C2orf76: variants seen among roughly 807,000 people sequenced by gnomAD.
C2orf76 encodes the protein chromosome 2 open reading frame 76.
A neutral mutation model predicts 16.9 loss-of-function variants in C2orf76; 23 were observed. The ratio of observed to expected loss-of-function variants is 1.36; its 90% confidence interval spans 0.98 to 1.93. The LOEUF (loss-of-function observed/expected upper bound fraction) is 1.93. C2orf76 is among the 30% of genes most tolerant of loss of function. The pLI is 0.00. For synonymous variants in C2orf76, 48 were observed against 52.3 expected (o/e 0.92, Z 0.35); for missense variants, 152 against 152.6 (o/e 1.00, Z 0.02).
chr2:119,311,868 T>C (rs979120283), intron 4 of C2orf76, among the ~76,000 whole-genome samples, 165 bp from the exon 5 acceptor site: 1 of 152,170 alleles, frequency 6.6e-6, no homozygotes, highest in Non-Finnish European at 1.5e-5. Context: ...AGTGAGGTCC[T>C]GCCGAGCTCA....
chr2:119,309,002 G>C (rs760340526), intron 5 of C2orf76, among the ~76,000 whole-genome samples: 2 of 152,148 alleles, frequency 1.3e-5, no homozygotes, highest in Admixed American at 1.3e-4. Context: ...TGCTGTCCAA[G>C]GTCACCCAGA....
Position 119,333,104 on chromosome 2 carries a change from A to C in C2orf76, c.133+6723T>G, listed in dbSNP as rs113474118. ...TGCGCAGCACATCCTGTAGTAGAGT[A>C]GTAAAAACAACAAAGCATTGCCTTA... On this transcript the variant is annotated intron_variant, in intron 2 of 5. Coordinates refer to ENST00000334816, the MANE Select transcript of C2orf76 (RefSeq NM_001322331.2). Among the ~76,000 whole-genome samples, 569 of 152,370 alleles carry C rather than the reference A, an allele frequency of 3.7e-3. 8 individuals are homozygous for C. Among genetic ancestry groups the C allele is most frequent in the African/African-American group, 0.013 (543 of 41,590 alleles).
At chr2:119,366,212 G>A (rs1680978579) in intron 1 of C2orf76, 1 of 347,486 alleles carries the variant, frequency 2.9e-6, no homozygotes, top group African/African-American at 2.1e-5. Flanking sequence ...GTTCACTGCT[G>A]TCTGCCAAGG....
chr2:119,301,212 AT>A (rs1247244205), downstream of C2orf76, among the ~76,000 whole-genome samples: 3 of 152,014 alleles, frequency 2.0e-5, no homozygotes, highest in Non-Finnish European at 4.4e-5. Context: ...ACTGGGTCTT[AT>A]TTTCCTCTTT....
chr2:119,298,196 C>A (rs570651990), downstream of C2orf76, among the ~76,000 whole-genome samples: 32 of 152,296 alleles, frequency 2.1e-4, no homozygotes, highest in African/African-American at 6.5e-4. Flanking sequence ...TTCTCTACCC[C>A]AAGGTCACAA....
At chr2:119,322,457 C>T (rs1258985504) in intron 2 of C2orf76, among the ~76,000 whole-genome samples, 1 of 152,112 alleles carries the variant, frequency 6.6e-6, no homozygotes, top group African/African-American at 2.4e-5. Flanking sequence ...ATCTGCCCAC[C>T]TTGGCCTCCC....
chr2:119,295,352 A>G, the C2orf76 span, among the ~76,000 whole-genome samples: 1 of 152,190 alleles, frequency 6.6e-6, no homozygotes, highest in Non-Finnish European at 1.5e-5. Flanking sequence ...ATAAGCCTCA[A>G]GGTCACAGGA....
chr2:119,301,413 T>C (rs1678619535), downstream of C2orf76, among the ~76,000 whole-genome samples: 1 of 152,248 alleles, frequency 6.6e-6, no homozygotes, highest in Admixed American at 6.5e-5. Context: ...TTTCTTAAGT[T>C]AGACGTGACC....
chr2:119,283,863 T>C, the C2orf76 span, among the ~76,000 whole-genome samples: 1 of 152,172 alleles, frequency 6.6e-6, no homozygotes, highest in African/African-American at 2.4e-5. Flanking sequence ...ATATTAGGCT[T>C]TGACAATGGG....
At chr2:119,345,484 C>T (rs953091723) in intron 1 of C2orf76, among the ~76,000 whole-genome samples, 7 of 152,176 alleles carry the variant, frequency 4.6e-5, no homozygotes, top group Non-Finnish European at 7.3e-5. Flanking sequence ...TTTGATATGG[C>T]AATTTCTTTT....
intron 2 of C2orf76, among the ~76,000 whole-genome samples, chr2:119,327,894 G>A (rs1304191120): frequency 6.6e-6 from 1 of 152,226 alleles, no homozygotes; most frequent in African/African-American, 2.4e-5. Context: ...ACTAAAGTTT[G>A]GGCAAGAATT....
intron 2 of C2orf76, among the ~76,000 whole-genome samples, chr2:119,321,853 C>CATATATATATAT (rs34104959): frequency 7.1e-4 from 106 of 149,262 alleles, no homozygotes; most frequent in Non-Finnish European, 7.9e-4. Flanking sequence ...TTGTGTGAGA[C>CATATATATATAT]ATATATATAT....
chr2:119,329,869 G>GA (rs1679618646), intron 2 of C2orf76, among the ~76,000 whole-genome samples: 1 of 151,662 alleles, frequency 6.6e-6, no homozygotes, highest in Admixed American at 6.6e-5. Context: ...TTCAAAATAA[G>GA]AAAAAATATT....
chr2:119,364,494 C>T (rs1001232689), intron 1 of C2orf76, among the ~76,000 whole-genome samples: 2 of 152,140 alleles, frequency 1.3e-5, no homozygotes, highest in African/African-American at 4.8e-5. Context: ...TTCAGTTAAT[C>T]AGACAGAATA....
downstream of C2orf76, among the ~76,000 whole-genome samples, chr2:119,297,998 A>G (rs906589400): frequency 6.6e-6 from 1 of 151,308 alleles, no homozygotes; most frequent in Non-Finnish European, 1.5e-5. Flanking sequence ...TTTATGAGAC[A>G]GGGTCTCACT....
At chr2:119,308,363 G>A (rs1292635746) in intron 5 of C2orf76, among the ~76,000 whole-genome samples, 2 of 152,180 alleles carry the variant, frequency 1.3e-5, no homozygotes, top group Non-Finnish European at 2.9e-5. Flanking sequence ...TAATGGGGTC[G>A]GGCACAGTGG....
At chr2:119,340,217 A>G in intron 1 of C2orf76, 1 of 385,088 alleles carries the variant, frequency 2.6e-6, no homozygotes, top group Admixed American at 3.9e-5. Flanking sequence ...ACCAGCAGAA[A>G]ACTGACAGAG....
In C2orf76 at chr2:119,342,377, G is replaced by A. The variant is rs187333556; in HGVS notation, c.-12-2406C>T. On this transcript the variant is annotated intron_variant, in intron 1 of 5. Transcript: ENST00000334816. The stretch of plus-strand genomic sequence containing the variant: ...TGTAATACCTGCACTTTGGGAGGCC[G>A]AGGCGGAAGGATCATTTGAGGTCAG... Among the ~76,000 whole-genome samples the A allele has an allele frequency of 4.2e-3, 645 of 152,212 alleles. 8 individuals are homozygous for A. Among genetic ancestry groups the A allele is most frequent in the Non-Finnish European group, 4.6e-3 (314 of 68,006 alleles).
intron 2 of C2orf76, among the ~76,000 whole-genome samples, chr2:119,333,918 G>A (rs1428047389): frequency 6.6e-6 from 1 of 152,072 alleles, no homozygotes; most frequent in East Asian, 1.9e-4. Flanking sequence ...ATGACATGAA[G>A]GACCCTTCAA....
Sources: allele counts gnomAD v4.1 joint callset (sites outside exome capture counted in the v4.1 genomes callset), GRCh38; gene constraint gnomAD v4.1.1; transcripts MANE v1.5; gene names NCBI Gene and HGNC (gene_info 2026-07-23, HGNC 2026-07-21).